ALDH3A2: variants seen among roughly 807,000 people sequenced by gnomAD.
ALDH3A2 encodes aldehyde dehydrogenase family 3 member A2.
ALDH3A2 carries 36 observed loss-of-function variants against 51.3 expected under a neutral mutation model. The observed-to-expected ratio is 0.70, with a 90% CI of 0.54 to 0.93. ALDH3A2 has a LOEUF of 0.93. Among genes scored for constraint, ALDH3A2 ranks in the 40% least tolerant of loss-of-function variants. The pLI is 0.00. For synonymous variants in ALDH3A2, 199 were observed against 219.8 expected (o/e 0.91, Z 0.84); for missense variants, 552 against 603.1 (o/e 0.92, Z 0.89).
chr17:19,653,398 C>G (rs1276949671), intron 3 of ALDH3A2, among the ~76,000 whole-genome samples: 1 of 152,082 alleles, frequency 6.6e-6, no homozygotes, highest in African/African-American at 2.4e-5. Context: ...AAGCCGCGGA[C>G]CCTTGCAGTG....
intron 1 of ALDH3A2, among the ~76,000 whole-genome samples, chr17:19,650,869 A>G (rs1597548576): frequency 6.6e-6 from 1 of 152,218 alleles, no homozygotes; most frequent in Non-Finnish European, 1.5e-5. Context: ...AATAAGTCGT[A>G]ATAGTGGTAG....
Position 19,648,779 on chromosome 17 carries a change from G to C in ALDH3A2, c.-193G>C. ...CCTCCCCCGGCGCCTCCGACTGGCA[G>C]TGGGACTCAGCGGGCGTGGAGGTCG... is the stretch of plus-strand genomic sequence containing the variant. On this transcript the variant is annotated 5_prime_UTR_variant, in exon 1 of 10. Coordinates refer to ENST00000176643, the MANE Select transcript of ALDH3A2 (RefSeq NM_000382.3). The C allele has an allele frequency of 2.7e-6, 2 of 732,602 alleles. No homozygotes were observed. Among genetic ancestry groups the C allele is most frequent in the Non-Finnish European group, 2.2e-6 (1 of 449,106 alleles). The allele number at this position is 732,602 out of a possible 1,614,324, so 45.4% of individuals were successfully genotyped here.
Position 19,675,582 on chromosome 17 carries a change from C to T in ALDH3A2, c.*10C>T. ...GGCAGAATATTACTGAAGAATGATC[C>T]TGTTCAACCTCCTAGTGCCTCTACT... is the stretch of plus-strand genomic sequence containing the variant. On this transcript the variant is annotated 3_prime_UTR_variant, in exon 10 of 10. Transcript: ENST00000176643. The T allele has an allele frequency of 6.2e-7, 1 of 1,612,102 alleles. No homozygotes were observed. The highest frequency in any genetic ancestry group is 8.5e-7 in the Non-Finnish European group (1 of 1,178,150).
At chr17:19,661,764 A>C (rs1351080768) in intron 6 of ALDH3A2, among the ~76,000 whole-genome samples, 3 of 152,130 alleles carry the variant, frequency 2.0e-5, no homozygotes, top group African/African-American at 7.2e-5. Flanking sequence ...CTACAGTAAC[A>C]TATAAGGTGA....
chr17:19,670,121 G>A (rs1001653687), intron 8 of ALDH3A2, among the ~76,000 whole-genome samples: 16 of 152,008 alleles, frequency 1.1e-4, no homozygotes, highest in African/African-American at 3.9e-4. Context: ...ATGTTTTCTT[G>A]CTTGTTCTTA....
chr17:19,664,984 G>A lies in ALDH3A2; in HGVS notation c.1144G>A (p.Gly382Ser), dbSNP rs565908396. The A allele has an allele frequency of 2.7e-5, 44 of 1,613,946 alleles. No individual in the cohort carries two copies. The South Asian group carries it at 4.8e-4, about 18-fold the overall frequency. The change falls in exon 8 of 10, where the codon GGT (glycine) becomes AGT (serine). Residue 382 changes from glycine to serine, a missense_variant. Transcript: ENST00000176643. ...GATGATTGATGAGACATCCAGTGGA[G>A]GTGTCACAGGCAATGACGTCATTAT... ...KRMIDETSSGGVTGNDVIMHF... is the reference protein window; with the variant it reads ...KRMIDETSSGSVTGNDVIMHF...
chr17:19,675,238 C>G (rs2085171403), intron 9 of ALDH3A2: 1 of 301,422 alleles, frequency 3.3e-6, no homozygotes, highest in Non-Finnish European at 6.1e-6. Context: ...ACTGAAAATG[C>G]TAGGATAATA....
intron 8 of ALDH3A2, 35 bp from the exon 9 acceptor site, chr17:19,671,686 A>G (rs1465344968): frequency 6.4e-7 from 1 of 1,573,614 alleles, no homozygotes; most frequent in East Asian, 2.2e-5. Context: ...CATCATCTAC[A>G]GTGAAGCTTG....
rs1420105615 is a variant in ALDH3A2 at position 19,671,903 on chromosome 17, C to A, written c.1390C>A (p.Leu464Ile). Residue 464 changes from leucine (L) to isoleucine (I), a missense_variant, in exon 9 of 10, where the codon CTC (leucine) becomes ATC (isoleucine). By Grantham distance (5) the Leu-to-Ile change is conservative (BLOSUM62 2). Coordinates refer to ENST00000176643, the MANE Select transcript of ALDH3A2 (RefSeq NM_000382.3). Reference sequence around the variant, plus strand: ...CTTGAAACGGTTCAACAAAGAAAAACTCGGTCTCCTGTTGCTCACTTTCCT... The same window carrying A: ...CTTGAAACGGTTCAACAAAGAAAAAATCGGTCTCCTGTTGCTCACTTTCCT... ...FLLKRFNKEK[L>I]GLLLLTFLGI... 6.2e-7 allele frequency: 1 copy of A among 1,614,118 alleles called. No individual in the cohort carries two copies.
intron 6 of ALDH3A2, among the ~76,000 whole-genome samples, chr17:19,662,614 A>G (rs2152330368): frequency 6.6e-6 from 1 of 152,256 alleles, no homozygotes; most frequent in South Asian, 2.1e-4. Context: ...CCTCTTCCCC[A>G]TGGTAGATGG....
intron 8 of ALDH3A2, 92 bp from the exon 9 acceptor site, chr17:19,671,629 G>A (rs1039989803): frequency 9.3e-7 from 1 of 1,073,270 alleles, no homozygotes; most frequent in African/African-American, 1.6e-5. Flanking sequence ...CAGGCAGCAG[G>A]GAGTGCATGT....
chr17:19,651,989 G>A (rs2084822536), intron 2 of ALDH3A2, among the ~76,000 whole-genome samples: 1 of 152,154 alleles, frequency 6.6e-6, no homozygotes. Flanking sequence ...AGCACCTGGG[G>A]AATGAACCTG....
chr17:19,657,953 C>G (rs1374231762), intron 5 of ALDH3A2, 91 bp downstream of exon 5: 4 of 1,067,152 alleles, frequency 3.7e-6, no homozygotes, highest in African/African-American at 1.6e-5. Flanking sequence ...TTGTTTCTCC[C>G]TTCAGGAAAA....
intron 9 of ALDH3A2, 87 bp from the exon 10 acceptor site, chr17:19,675,471 C>T (rs2085175494): frequency 7.6e-7 from 1 of 1,321,386 alleles, no homozygotes; most frequent in Non-Finnish European, 1.1e-6. Flanking sequence ...GTGTCTGAGT[C>T]CCAGTGCTGA....
Position 19,654,864 on chromosome 17 carries a change from A to C in ALDH3A2, c.472-1502A>C, listed in dbSNP as rs1040611488. Among the ~76,000 whole-genome samples, 1 of 152,074 alleles carries C rather than the reference A, an allele frequency of 6.6e-6. No homozygotes were observed. Among genetic ancestry groups the C allele is most frequent in the Non-Finnish European group, 1.5e-5 (1 of 67,984 alleles). On this transcript the variant is annotated intron_variant, in intron 3 of 9. Coordinates refer to ENST00000176643, the MANE Select transcript of ALDH3A2 (RefSeq NM_000382.3). The surrounding 1 kb of genome is among the most constrained non-coding windows in gnomAD (Gnocchi z 4.5). ...GAGCAAGGGTTGCCCGCACGCTCTCACCTCTCACCCAGCCTATAAGAGTAC... is the reference window on the plus strand; with the variant it reads ...GAGCAAGGGTTGCCCGCACGCTCTCCCCTCTCACCCAGCCTATAAGAGTAC...
intron 3 of ALDH3A2, chr17:19,652,844 G>A (rs1311383784): frequency 1.7e-6 from 1 of 573,526 alleles, no homozygotes; most frequent in African/African-American, 2.0e-5. Flanking sequence ...CACAATATAT[G>A]TAGGCCCATG....
intron 5 of ALDH3A2, among the ~76,000 whole-genome samples, chr17:19,659,019 G>T (rs1374228187): frequency 6.6e-6 from 1 of 151,902 alleles, no homozygotes. Context: ...ATCACTTGAG[G>T]TGAGGAGTTA....
rs2085195612 is a variant in ALDH3A2 at position 19,676,716 on chromosome 17, C to T, written c.*1144C>T. 1 of 152,172 alleles carries T rather than the reference C, an allele frequency of 6.6e-6. No homozygotes were observed. The highest frequency in any genetic ancestry group is 1.5e-5 in the Non-Finnish European group (1 of 68,030). 9.4% of individuals were successfully genotyped at this position (152,172 alleles called of 1,614,324 possible). A position where few individuals can be genotyped will look rare whatever the true frequency, so the allele number is the denominator to read the frequency against. On this transcript the variant is annotated 3_prime_UTR_variant, in exon 10 of 10. Transcript: ENST00000176643. ...AACATACTAATCCTCTTTCAGGACC[C>T]TAAAGTTGCAGGTTAGTAGGTCTTC...
intron 9 of ALDH3A2, 30 bp downstream of exon 9, chr17:19,671,986 C>T: frequency 6.3e-7 from 1 of 1,578,984 alleles, no homozygotes; most frequent in East Asian, 2.2e-5. Context: ...GAGTGCCATT[C>T]AGTCTGGTCC....
Sources: allele counts gnomAD v4.1 joint callset (sites outside exome capture counted in the v4.1 genomes callset), GRCh38; gene constraint gnomAD v4.1.1; non-coding constraint Gnocchi (gnomAD v3.1); transcripts MANE v1.5; gene names NCBI Gene and HGNC (gene_info 2026-07-23, HGNC 2026-07-21).